The following NRP2 variants were observed in gnomAD, a reference collection of about 807,000 sequenced individuals.
NRP2 encodes the protein neuropilin-2.
In NRP2, 52 loss-of-function variants were observed where a neutral mutation model predicts 110.4. The observed-to-expected ratio is 0.47, with a 90% CI of 0.38 to 0.59. NRP2 has a LOEUF of 0.59. Among genes scored for constraint, NRP2 ranks in the 20% least tolerant of loss-of-function variants. The pLI, the probability that NRP2 is intolerant of heterozygous loss-of-function variation, is 0.00. For missense variants in NRP2, 1,049 were observed against 1,203.0 expected (o/e 0.87, Z 1.89); for synonymous variants, 508 against 468.9 (o/e 1.08, Z -1.08).
rs896187351 is a variant in NRP2 at position 205,728,272 on chromosome 2, CAGAG to C, written c.1146+235_1146+238del. ...CCAGTTGCTGTTGCATCTTGCGCAG[CAGAG>C]AGAGAGAGCTTGCAGAGTGTTCTCT... On this transcript the variant is annotated intron_variant, in intron 7 of 16. Transcript: ENST00000357785. Among the ~76,000 whole-genome samples the C allele has an allele frequency of 2.0e-5, 3 of 152,196 alleles. No homozygotes were observed. In the East Asian group the frequency reaches 5.8e-4, roughly 29 times the overall value.
At chr2:205,774,691 GAC>G (rs895397847) in intron 15 of NRP2, among the ~76,000 whole-genome samples, 8 of 151,916 alleles carry the variant, frequency 5.3e-5, no homozygotes, top group Non-Finnish European at 1.0e-4. Flanking sequence ...CTTCTGAGAA[GAC>G]ATTAGAAGGT....
intron 1 of NRP2, among the ~76,000 whole-genome samples, chr2:205,689,029 G>A (rs1471131367): frequency 6.6e-6 from 1 of 152,174 alleles, no homozygotes; most frequent in African/African-American, 2.4e-5. Context: ...TGGAGAAGGT[G>A]TTAAGTGCTT....
At chr2:205,785,386 AG>A (rs780090967) in intron 15 of NRP2, among the ~76,000 whole-genome samples, 1 of 152,162 alleles carries the variant, frequency 6.6e-6, no homozygotes, top group Non-Finnish European at 1.5e-5. Context: ...CTAGCATCCC[AG>A]GAAAAAAAAT....
intron 1 of NRP2, among the ~76,000 whole-genome samples, chr2:205,690,946 T>G (rs1179773092): frequency 6.6e-6 from 1 of 152,126 alleles, no homozygotes; most frequent in Non-Finnish European, 1.5e-5. Context: ...AATTCACCAC[T>G]AAGAAACATT....
At chr2:205,729,454 C>T (rs1248128267) in intron 7 of NRP2, among the ~76,000 whole-genome samples, 2 of 152,244 alleles carry the variant, frequency 1.3e-5, no homozygotes, top group African/African-American at 4.8e-5. Flanking sequence ...GTGCCAGGAG[C>T]TTGGGGGCTG....
At chr2:205,765,334 T>C in intron 13 of NRP2, 140 bp from the exon 14 acceptor site, 1 of 745,852 alleles carries the variant, frequency 1.3e-6, no homozygotes, top group Non-Finnish European at 2.4e-6. Context: ...TCAACAGATG[T>C]GTACCAGGTG....
intron 1 of NRP2, among the ~76,000 whole-genome samples, chr2:205,692,277 T>G (rs1416923878): frequency 6.6e-6 from 1 of 152,182 alleles, no homozygotes; most frequent in African/African-American, 2.4e-5. Flanking sequence ...TAGGAAGTGG[T>G]CAAACAGCCA....
At chr2:205,792,341 G>A (rs759112959) in intron 16 of NRP2, 56 bp downstream of exon 16, 10 of 1,322,926 alleles carry the variant, frequency 7.6e-6, no homozygotes, top group Admixed American at 6.7e-5. Context: ...GGTTATAAAG[G>A]TGTCAACAAA....
chr2:205,687,826 G>A (rs979534583), intron 1 of NRP2, among the ~76,000 whole-genome samples: 3 of 152,172 alleles, frequency 2.0e-5, no homozygotes, highest in Non-Finnish European at 4.4e-5. Context: ...CATAGAAAAA[G>A]CTAGGAATCC....
At chr2:205,695,271 A>G (rs2056399382) in intron 1 of NRP2, among the ~76,000 whole-genome samples, 1 of 152,226 alleles carries the variant, frequency 6.6e-6, no homozygotes, top group Non-Finnish European at 1.5e-5. Flanking sequence ...ACTATCAGCT[A>G]TGGGATATAT....
intron 2 of NRP2, among the ~76,000 whole-genome samples, chr2:205,715,422 G>A (rs1378466183): frequency 2.0e-5 from 3 of 152,208 alleles, no homozygotes; most frequent in East Asian, 1.9e-4. Context: ...TTGTGTGCAC[G>A]TAGACAGTGG....
intron 1 of NRP2, among the ~76,000 whole-genome samples, chr2:205,693,053 T>G (rs2056346827): frequency 6.6e-6 from 1 of 152,220 alleles, no homozygotes; most frequent in African/African-American, 2.4e-5. Context: ...AGTGGCAAGG[T>G]GACAACCTCC....
At chr2:205,752,122 G>A (rs367635445) in intron 11 of NRP2, among the ~76,000 whole-genome samples, 8 of 152,148 alleles carry the variant, frequency 5.3e-5, no homozygotes, top group Non-Finnish European at 8.8e-5. Flanking sequence ...TCCCGGGGTC[G>A]CAGCCTCCAG....
intron 6 of NRP2, among the ~76,000 whole-genome samples, chr2:205,726,427 T>TG (rs2057130089): frequency 6.6e-6 from 1 of 152,078 alleles, no homozygotes; most frequent in East Asian, 1.9e-4. Flanking sequence ...ATCAGGGACA[T>TG]GGGGGGCATT....
intron 15 of NRP2, chr2:205,776,998 G>T (rs1220957674): frequency 1.9e-6 from 2 of 1,043,900 alleles, no homozygotes; most frequent in Non-Finnish European, 2.3e-6. Context: ...GAGAGCGGCT[G>T]GTTCATTGTG....
intron 15 of NRP2, among the ~76,000 whole-genome samples, chr2:205,787,257 G>C (rs535031498): frequency 6.6e-6 from 1 of 152,104 alleles, no homozygotes; most frequent in Non-Finnish European, 1.5e-5. Context: ...ATCCCACGCC[G>C]CTTCCTTCAG....
At chr2:205,718,249 C>T (rs890171476) in intron 3 of NRP2, among the ~76,000 whole-genome samples, 1 of 152,174 alleles carries the variant, frequency 6.6e-6, no homozygotes, top group African/African-American at 2.4e-5. Flanking sequence ...CTACATTCTC[C>T]AGAAAGCCAC....
At chr2:205,702,755 C>T (rs1430689947) in intron 2 of NRP2, among the ~76,000 whole-genome samples, 1 of 152,210 alleles carries the variant, frequency 6.6e-6, no homozygotes, top group Non-Finnish European at 1.5e-5. Context: ...TTTCCCTGTG[C>T]TCAGTAAACA....
At chr2:205,705,486 C>T (rs1320905326) in intron 2 of NRP2, among the ~76,000 whole-genome samples, 4 of 152,176 alleles carry the variant, frequency 2.6e-5, no homozygotes, top group Admixed American at 2.6e-4. Context: ...TGCCTCTTTT[C>T]GAGCTTTGTA....
Sources: allele counts gnomAD v4.1 joint callset (sites outside exome capture counted in the v4.1 genomes callset), GRCh38; gene constraint gnomAD v4.1.1; transcripts MANE v1.5; gene names NCBI Gene and HGNC (gene_info 2026-07-23, HGNC 2026-07-21).